Variants in CRACD observed in about 807,000 individuals in gnomAD.
CRACD encodes capping protein inhibiting regulator of actin dynamics, also known as capping protein-inhibiting regulator of actin dynamics.
Under a neutral mutation model 106.8 loss-of-function variants are expected in CRACD, and 56 were observed. That is an observed-to-expected ratio of 0.52 (90% CI 0.42 to 0.66). The LOEUF is 0.66. Among genes scored for constraint, CRACD ranks in the 30% least tolerant of loss-of-function variants. The pLI, the probability that CRACD is intolerant of heterozygous loss-of-function variation, is 0.00. For synonymous variants in CRACD, 754 were observed against 670.8 expected, an observed-to-expected ratio of 1.12 and a Z score of -1.92; for missense variants, 1,730 against 1,623.2, an observed-to-expected ratio of 1.07 and a Z score of -1.13.
At position 56,288,181 on chromosome 4, in the gene CRACD, C is replaced by A. The variant is rs184387577; in HGVS notation, c.-16-10033C>A. Among the ~76,000 whole-genome samples the A allele has an allele frequency of 1.9e-3, 282 of 152,254 alleles. 3 individuals carry two copies. The highest frequency in any genetic ancestry group is 6.5e-3 in the African/African-American group (269 of 41,556). ...CCTCTTCTTCTCCTTTTTTCTTCCTCTTTTCTTAATTTCCTCCTCTTCTTC... is the reference window on the plus strand; with the variant it reads ...CCTCTTCTTCTCCTTTTTTCTTCCTATTTTCTTAATTTCCTCCTCTTCTTC... On this transcript the variant is annotated intron_variant, in intron 3 of 10. Transcript: ENST00000682029.
At chr4:56,252,894 G>C (rs1741133435) in intron 2 of CRACD, among the ~76,000 whole-genome samples, 1 of 152,190 alleles carries the variant, frequency 6.6e-6, no homozygotes, top group Admixed American at 6.5e-5. Flanking sequence ...AAGGAACCCT[G>C]AGCGGTTCGT....
chr4:56,314,876 C>G lies in CRACD; in HGVS notation c.1374C>G (p.Ala458=). 1 of 1,611,566 alleles carries G rather than the reference C, an allele frequency of 6.2e-7. No homozygotes were observed. The highest frequency in any genetic ancestry group is 8.5e-7 in the Non-Finnish European group (1 of 1,179,404). ...TTTGCGAGGAGCAGAACCCAGAGGC[C>G]GAGCGGCGAAGAGAGCAGCAGGGAA... is the stretch of plus-strand genomic sequence containing the variant. ...PGICEEQNPE[A]ERRREQQGRS... The change falls in exon 8 of 11, where the codon GCC becomes GCG. Residue 458 remains alanine (A), a synonymous_variant. Coordinates refer to ENST00000682029, the MANE Select transcript of CRACD (RefSeq NM_001393381.1). The surrounding 1 kb of genome is among the most constrained non-coding windows in gnomAD (Gnocchi z 4.4).
At position 56,323,581 on chromosome 4, in the gene CRACD, G is replaced by T; in HGVS notation, c.3378+14G>T. 2 of 1,531,776 alleles carry T rather than the reference G, an allele frequency of 1.3e-6. No homozygotes were observed. The highest frequency in any genetic ancestry group is 1.7e-6 in the Non-Finnish European group (2 of 1,146,868). The allele number at this position is 1,531,776 out of a possible 1,614,324, so 94.9% of individuals were successfully genotyped here. On this transcript the variant is annotated intron_variant, in intron 9 of 10. Coordinates refer to ENST00000682029, the MANE Select transcript of CRACD (RefSeq NM_001393381.1). ...TCCAAAGAAAATGTGAGTAGCCTGGGCTTCAGCTGTGATTTTGCTTTCCTG... is the reference window on the plus strand; with the variant it reads ...TCCAAAGAAAATGTGAGTAGCCTGGTCTTCAGCTGTGATTTTGCTTTCCTG...
intron 8 of CRACD, chr4:56,320,753 C>T (rs1746046270): frequency 6.5e-6 from 1 of 152,770 alleles, no homozygotes; most frequent in Non-Finnish European, 1.5e-5. Flanking sequence ...GTTGAAGCTT[C>T]TGAATATATA....
intron 1 of CRACD, among the ~76,000 whole-genome samples, chr4:56,098,086 C>A (rs1475174286): frequency 3.3e-5 from 5 of 152,142 alleles, no homozygotes; most frequent in Non-Finnish European, 4.4e-5. Context: ...TCTAAATGCT[C>A]TTTGGGAAAT....
At chr4:56,077,281 A>G (rs1479935399) in intron 1 of CRACD, among the ~76,000 whole-genome samples, 1 of 152,140 alleles carries the variant, frequency 6.6e-6, no homozygotes, top group Non-Finnish European at 1.5e-5. Context: ...TGCTTATAAA[A>G]CCATCAGATC....
chr4:56,305,749 G>T (rs1158080152), intron 4 of CRACD, among the ~76,000 whole-genome samples: 1 of 152,130 alleles, frequency 6.6e-6, no homozygotes, highest in Non-Finnish European at 1.5e-5. Flanking sequence ...GTCCCCAGGG[G>T]GCATGTGGAG....
intron 1 of CRACD, among the ~76,000 whole-genome samples, chr4:56,090,300 C>T: frequency 6.6e-6 from 1 of 152,082 alleles, no homozygotes; most frequent in African/African-American, 2.4e-5. Flanking sequence ...GCCTGGCACC[C>T]CTTTTCTAGG....
intron 1 of CRACD, among the ~76,000 whole-genome samples, chr4:56,143,544 A>G (rs1250426660): frequency 1.3e-5 from 2 of 151,988 alleles, no homozygotes; most frequent in Non-Finnish European, 2.9e-5. Context: ...TACATTTTTG[A>G]TGATTATGAT....
At chr4:56,163,434 C>G (rs1736028466) in intron 1 of CRACD, among the ~76,000 whole-genome samples, 1 of 151,986 alleles carries the variant, frequency 6.6e-6, no homozygotes, top group Admixed American at 6.6e-5. Context: ...TGATGCTTGT[C>G]CTTTAACAAT....
chr4:56,294,030 A>C (rs993966152), intron 3 of CRACD, among the ~76,000 whole-genome samples: 21 of 152,162 alleles, frequency 1.4e-4, no homozygotes, highest in African/African-American at 4.8e-4. Context: ...GTTCCAGACC[A>C]GACTAGGGAA....
intron 1 of CRACD, among the ~76,000 whole-genome samples, chr4:56,122,428 C>T (rs532460751): frequency 1.3e-5 from 2 of 152,082 alleles, no homozygotes; most frequent in South Asian, 4.2e-4. Flanking sequence ...TCTCTATAGA[C>T]ATTATATCCC....
rs1230748453 is a variant in CRACD, at chr4:56,057,826, T to G, written c.-336+8527T>G. ...TTTTTTTTTTTTTGTTTTTTTTTTT[T>G]TTTTTTTTTTGAGACGGAGTCTCGC... On this transcript the variant is annotated intron_variant, in intron 1 of 10. Transcript: ENST00000682029. 9.6e-4 allele frequency among the ~76,000 whole-genome samples: 86 copies of G among 89,952 alleles called. 8 individuals carry two copies. Among genetic ancestry groups the G allele is most frequent in the East Asian group, 6.2e-3 (26 of 4,188 alleles). The allele number at this position is 89,952 out of a possible 152,430, so 59.0% of individuals were successfully genotyped here.
At chr4:56,327,491 A>T (rs1038498516) in intron 10 of CRACD, among the ~76,000 whole-genome samples, 153 bp from the exon 11 acceptor site, 2 of 152,232 alleles carry the variant, frequency 1.3e-5, no homozygotes, top group Non-Finnish European at 2.9e-5. Flanking sequence ...AGATTTAGCT[A>T]TTTCACAATG....
At chr4:56,257,788 T>C (rs1252471567) in intron 2 of CRACD, among the ~76,000 whole-genome samples, 2 of 151,978 alleles carry the variant, frequency 1.3e-5, no homozygotes, top group Admixed American at 6.6e-5. Flanking sequence ...ATAAGAAACA[T>C]TGGCCGGCCA....
chr4:56,168,809 G>A (rs1276170284), intron 1 of CRACD, among the ~76,000 whole-genome samples: 1 of 151,840 alleles, frequency 6.6e-6, no homozygotes, highest in Non-Finnish European at 1.5e-5. Context: ...CTACCTTTAG[G>A]TCAAGGGGAT....
chr4:56,308,391 C>A (rs1744895678), intron 5 of CRACD, among the ~76,000 whole-genome samples: 1 of 151,896 alleles, frequency 6.6e-6, no homozygotes, highest in African/African-American at 2.4e-5. Flanking sequence ...TGCCCTTAGA[C>A]CTCTTAGGGA....
chr4:56,281,116 G>A (rs778556020), intron 3 of CRACD, among the ~76,000 whole-genome samples: 6 of 152,116 alleles, frequency 3.9e-5, no homozygotes, highest in Non-Finnish European at 8.8e-5. Context: ...AACCAGTACC[G>A]GTGTGTGGCC....
intron 1 of CRACD, among the ~76,000 whole-genome samples, chr4:56,100,971 A>T (rs923004606): frequency 2.6e-5 from 4 of 152,148 alleles, no homozygotes; most frequent in African/African-American, 9.7e-5. Flanking sequence ...ATTAAATGTG[A>T]TCTCTGTGGG....
Sources: gnomAD v4.1 joint callset for allele counts (sites outside exome capture counted in the v4.1 genomes callset) on GRCh38, gnomAD v4.1.1 for gene constraint, Gnocchi (gnomAD v3.1) non-coding constraint, MANE v1.5 for transcripts, NCBI Gene and HGNC (gene_info 2026-07-23, HGNC 2026-07-21) for gene names.